VGLL4: variants seen among roughly 807,000 people sequenced by gnomAD.
The protein encoded by VGLL4 is transcription cofactor vestigial-like protein 4.
VGLL4 carries 7 observed loss-of-function variants against 21.0 expected under a neutral mutation model. The ratio of observed to expected loss-of-function variants is 0.33; its 90% CI spans 0.19 to 0.63. The LOEUF is 0.63. Ranked by LOEUF, VGLL4 falls within the 20% of genes least tolerant of loss-of-function variation. The probability of loss-of-function intolerance (pLI) is 0.78; values close to 1 mark genes in which losing one functional copy is unlikely to be tolerated. For missense variants in VGLL4, 394 were observed against 425.7 expected (o/e 0.93, Z 0.66); for synonymous variants, 222 against 173.2 (o/e 1.28, Z -2.21).
chr3:11,570,665 A>G (rs1203816478), intron 2 of VGLL4, among the ~76,000 whole-genome samples: 1 of 152,216 alleles, frequency 6.6e-6, no homozygotes, highest in Non-Finnish European at 1.5e-5. Context: ...TTCAGAGAAA[A>G]TGACTGGTGG....
intron 1 of VGLL4, chr3:11,604,719 G>A (rs150329405): frequency 5.4e-6 from 1 of 185,980 alleles, no homozygotes; most frequent in Non-Finnish European, 9.6e-6. Context: ...TACAACAAGG[G>A]GCTGGACTAG....
At chr3:11,681,715 T>G (rs2076373931) in intron 2 of VGLL4, among the ~76,000 whole-genome samples, 1 of 152,244 alleles carries the variant, frequency 6.6e-6, no homozygotes, top group South Asian at 2.1e-4. Flanking sequence ...GGAAGGGGCC[T>G]ACAGAGGCAC....
intron 2 of VGLL4, among the ~76,000 whole-genome samples, chr3:11,567,481 G>A (rs1459644224): frequency 6.6e-6 from 1 of 152,198 alleles, no homozygotes; most frequent in Non-Finnish European, 1.5e-5. Context: ...GGAAGAGAAT[G>A]TTCTGGCAGA....
chr3:11,630,268 A>T (rs981109067), intron 1 of VGLL4, among the ~76,000 whole-genome samples: 1 of 152,254 alleles, frequency 6.6e-6, no homozygotes, highest in African/African-American at 2.4e-5. Context: ...ACAAGTTAAC[A>T]ATGAGCAACA....
intron 2 of VGLL4, among the ~76,000 whole-genome samples, chr3:11,661,426 C>T (rs1042737746): frequency 2.0e-5 from 3 of 147,898 alleles, no homozygotes; most frequent in Admixed American, 6.8e-5. Flanking sequence ...TATGAACCAA[C>T]ATTTTTCCTT....
In VGLL4 at chr3:11,655,808, A is replaced by T. The variant is rs539921229; in HGVS notation, c.64+47163T>A. ...GAGCCTGCCCTCAGAGGACGCAGGC[A>T]GGTGTCATTTCAGGCCTGTGTACTC... On this transcript the variant is annotated intron_variant, in intron 2 of 5. Transcript: ENST00000273038. Among the ~76,000 whole-genome samples the T allele has an allele frequency of 8.5e-4, 129 of 152,312 alleles. 1 individual carries two copies. The highest frequency in any genetic ancestry group is 2.8e-3 in the African/African-American group (118 of 41,564).
intron 1 of VGLL4, among the ~76,000 whole-genome samples, chr3:11,627,675 G>A (rs2075384575): frequency 6.6e-6 from 1 of 151,394 alleles, no homozygotes; most frequent in South Asian, 2.1e-4. Flanking sequence ...AATTTTCCAA[G>A]GTAACTATTA....
chr3:11,640,946 A>G (rs1452763532), intron 1 of VGLL4, among the ~76,000 whole-genome samples: 1 of 152,004 alleles, frequency 6.6e-6, no homozygotes, highest in Non-Finnish European at 1.5e-5. Flanking sequence ...GGTGAAACCC[A>G]TCTCTATTAA....
Position 11,694,547 on chromosome 3 carries a change from G to C in VGLL4, c.64+8424C>G, listed in dbSNP as rs540840632. Among the ~76,000 whole-genome samples the C allele has an allele frequency of 9.9e-5, 15 of 152,058 alleles. No individual in the cohort carries two copies. In the South Asian group the frequency reaches 2.9e-3, roughly 30 times the overall value. ...TGAGTCAGGAGAATTGCTTGAATCT[G>C]TAGGGCAGAGGTTGCAGTAAGCCAA... On this transcript the variant is annotated intron_variant, in intron 2 of 5. Transcript: ENST00000273038.
chr3:11,622,363 T>A (rs2075278849), intron 1 of VGLL4, among the ~76,000 whole-genome samples: 1 of 152,178 alleles, frequency 6.6e-6, no homozygotes, highest in African/African-American at 2.4e-5. Context: ...ACTGACATTC[T>A]GGCATTTCAG....
intron 1 of VGLL4, among the ~76,000 whole-genome samples, chr3:11,639,870 C>T (rs530167415): frequency 9.5e-4 from 144 of 151,654 alleles, no homozygotes; most frequent in African/African-American, 3.3e-3. Context: ...AGCAAGACTC[C>T]GTCTCAAAAG....
intron 1 of VGLL4, among the ~76,000 whole-genome samples, chr3:11,624,966 C>A (rs779883330): frequency 1.3e-5 from 2 of 152,168 alleles, no homozygotes; most frequent in Non-Finnish European, 2.9e-5. Flanking sequence ...GTAGGAACAG[C>A]CCAGCATAAC....
At chr3:11,645,603 C>CAAAAAAA (rs34230304), upstream of VGLL4, among the ~76,000 whole-genome samples, 119 of 77,350 alleles carry the variant, frequency 1.5e-3, 4 homozygotes, top group African/African-American at 5.9e-3. Flanking sequence ...GACTCCGTCT[C>CAAAAAAA]AAAAAAAAAA....
intron 2 of VGLL4, among the ~76,000 whole-genome samples, chr3:11,591,116 A>G (rs2074485015): frequency 6.6e-6 from 1 of 152,210 alleles, no homozygotes; most frequent in African/African-American, 2.4e-5. Context: ...CGAAGACAGC[A>G]TTCCAAAAAG....
chr3:11,575,501 G>A (rs1453935126), intron 2 of VGLL4, among the ~76,000 whole-genome samples: 2 of 152,152 alleles, frequency 1.3e-5, no homozygotes, highest in South Asian at 2.1e-4. Context: ...GGGCAAAGTG[G>A]GTCCCTCCTT....
chr3:11,558,845 G>GGCAGGCAGTCAGACACAGGTGGCT lies in VGLL4; in HGVS notation c.620-42_620-19dup. On this transcript the variant is annotated intron_variant, in intron 4 of 4. Transcript: ENST00000430365. ...GGTGGCAGCTGCAGGCAAGCAGGAA[G>GGCAGGCAGTCAGACACAGGTGGCT]GCAGGCAGTCAGACACAGGTGGCTG... 6.2e-7 allele frequency: 1 copy of GGCAGGCAGTCAGACACAGGTGGCT among 1,608,232 alleles called. No homozygotes were observed. Among genetic ancestry groups the GGCAGGCAGTCAGACACAGGTGGCT allele is most frequent in the Non-Finnish European group, 8.5e-7 (1 of 1,176,528 alleles).
At chr3:11,664,100 T>G (rs1026087776) in intron 2 of VGLL4, among the ~76,000 whole-genome samples, 1 of 152,078 alleles carries the variant, frequency 6.6e-6, no homozygotes, top group African/African-American at 2.4e-5. Flanking sequence ...TAGCCGGGCA[T>G]GCTGGTGCAC....
rs2076959838 is a variant in VGLL4 at position 11,719,256 on chromosome 3, G to A, written c.-14+1138C>T. Among the ~76,000 whole-genome samples, 1 of 152,004 alleles carries A rather than the reference G, an allele frequency of 6.6e-6. No homozygotes were observed. Among genetic ancestry groups the A allele is most frequent in the Non-Finnish European group, 1.5e-5 (1 of 67,970 alleles). On this transcript the variant is annotated intron_variant, in intron 1 of 5. Transcript: ENST00000273038. The surrounding 1 kb of genome is among the most constrained non-coding windows in gnomAD (Gnocchi z 4.0). ...GTCCTCCGGGAGCCTAGGCGCTTCC[G>A]CTCCCACCGGCGCCTCCCGAGCGGC... is the stretch of plus-strand genomic sequence containing the variant.
chr3:11,694,945 G>A (rs932296277), intron 2 of VGLL4, among the ~76,000 whole-genome samples: 20 of 151,912 alleles, frequency 1.3e-4, no homozygotes, highest in African/African-American at 4.6e-4. Flanking sequence ...TTATGAAGTT[G>A]TAAAGAAACT....
Sources: allele counts gnomAD v4.1 joint callset (sites outside exome capture counted in the v4.1 genomes callset), GRCh38; gene constraint gnomAD v4.1.1; non-coding constraint Gnocchi (gnomAD v3.1); transcripts MANE v1.5; gene names NCBI Gene and HGNC (gene_info 2026-07-23, HGNC 2026-07-21).